SHISA9: variants seen among roughly 807,000 people sequenced by gnomAD.
The protein encoded by SHISA9 is shisa family member 9, also known as protein shisa-9.
In SHISA9, 13 loss-of-function variants were observed where a neutral mutation model predicts 38.0. The observed-to-expected ratio is 0.34, with a 90% CI of 0.22 to 0.54. The LOEUF is 0.54. SHISA9 is among the 20% of genes least tolerant of loss of function. SHISA9 has a pLI of 0.91. For synonymous variants in SHISA9, 275 were observed against 242.0 expected, an observed-to-expected ratio of 1.14 and a Z score of -1.27; for missense variants, 538 against 575.8, an observed-to-expected ratio of 0.93 and a Z score of 0.67.
intron 2 of SHISA9, among the ~76,000 whole-genome samples, chr16:13,005,690 G>A (rs1044553590): frequency 2.6e-5 from 4 of 152,130 alleles, no homozygotes; most frequent in African/African-American, 9.7e-5. Context: ...GCCAGGTCTG[G>A]GACATGTGCC....
At chr16:13,456,007 T>C in the SHISA9 span, among the ~76,000 whole-genome samples, 3 of 152,192 alleles carry the variant, frequency 2.0e-5, no homozygotes, top group African/African-American at 7.2e-5. Context: ...GGCTAAGGAC[T>C]CTCAGGACCT....
chr16:13,469,691 T>C, the SHISA9 span, among the ~76,000 whole-genome samples: 1 of 152,334 alleles, frequency 6.6e-6, no homozygotes, highest in East Asian at 1.9e-4. Context: ...CCAGAACATC[T>C]TCCTCCTCAG....
At chr16:13,044,383 G>A (rs1386641418) in intron 2 of SHISA9, among the ~76,000 whole-genome samples, 1 of 152,216 alleles carries the variant, frequency 6.6e-6, no homozygotes, top group Non-Finnish European at 1.5e-5. Context: ...CCTTGGGCAA[G>A]TTATTGAACC....
chr16:13,241,964 C>T (rs2051438736), downstream of SHISA9, among the ~76,000 whole-genome samples: 1 of 152,194 alleles, frequency 6.6e-6, no homozygotes, highest in African/African-American at 2.4e-5. Context: ...AGGAGAGCCA[C>T]ACTATTCCTC....
intron 2 of SHISA9, among the ~76,000 whole-genome samples, chr16:12,937,456 A>G (rs1456526736): frequency 6.6e-6 from 1 of 152,190 alleles, no homozygotes; most frequent in South Asian, 2.1e-4. Flanking sequence ...TGCTGATTTC[A>G]TTTAATAGTG....
chr16:13,540,446 G>A, the SHISA9 span, among the ~76,000 whole-genome samples: 1 of 152,210 alleles, frequency 6.6e-6, no homozygotes, highest in Admixed American at 6.5e-5. Flanking sequence ...TCCCATCACA[G>A]GGATAGCTCC....
chr16:13,245,923 G>A, the SHISA9 span, among the ~76,000 whole-genome samples: 1 of 152,094 alleles, frequency 6.6e-6, no homozygotes, highest in South Asian at 2.1e-4. Context: ...TAAATAAATA[G>A]CCCTTTATTA....
At chr16:13,391,453 C>T in the SHISA9 span, among the ~76,000 whole-genome samples, 1 of 152,138 alleles carries the variant, frequency 6.6e-6, no homozygotes, top group South Asian at 2.1e-4. Context: ...AGAAGAGATA[C>T]TGAAGTATTA....
At chr16:12,908,479 G>A in intron 1 of SHISA9, 1 of 1,552,218 alleles carries the variant, frequency 6.4e-7, no homozygotes, top group Non-Finnish European at 8.7e-7. Flanking sequence ...CATGAGGTAG[G>A]CTCTATGACA....
chr16:13,526,958 C>G, the SHISA9 span, among the ~76,000 whole-genome samples: 1 of 147,980 alleles, frequency 6.8e-6, no homozygotes, highest in East Asian at 2.2e-4. Flanking sequence ...TAGAGACAAA[C>G]AAGCACCAAT....
intron 2 of SHISA9, among the ~76,000 whole-genome samples, chr16:12,986,129 A>T (rs1226244588): frequency 1.3e-5 from 2 of 152,100 alleles, no homozygotes; most frequent in Non-Finnish European, 2.9e-5. Flanking sequence ...AGTAGTTTTT[A>T]AATAAATTGC....
At chr16:13,292,793 C>T in the SHISA9 span, among the ~76,000 whole-genome samples, 1,981 of 152,230 alleles carry the variant, frequency 0.013, 43 homozygotes, top group African/African-American at 0.045. Context: ...TCTTTTAAAA[C>T]ACTTTTTGAA....
the SHISA9 span, among the ~76,000 whole-genome samples, chr16:13,556,184 A>C: frequency 2.0e-5 from 3 of 152,186 alleles, no homozygotes; most frequent in Middle Eastern, 3.2e-3. Flanking sequence ...TTTTGTACTA[A>C]ACATGTTAAA....
chr16:13,437,091 A>G, the SHISA9 span, among the ~76,000 whole-genome samples: 1 of 152,152 alleles, frequency 6.6e-6, no homozygotes, highest in East Asian at 1.9e-4. Context: ...CTCCCATGGC[A>G]CATTACGGGA....
intron 2 of SHISA9, among the ~76,000 whole-genome samples, chr16:13,085,799 T>A (rs191285255): frequency 6.6e-6 from 1 of 152,156 alleles, no homozygotes. Context: ...GGAACCTCTG[T>A]TGAAGGTTCT....
chr16:13,045,236 G>T (rs1596609031), intron 2 of SHISA9, among the ~76,000 whole-genome samples: 1 of 152,204 alleles, frequency 6.6e-6, no homozygotes, highest in African/African-American at 2.4e-5. Flanking sequence ...CTTACTAAGT[G>T]CTGTTCTAAG....
chr16:13,469,156 A>C, the SHISA9 span, among the ~76,000 whole-genome samples: 1 of 151,188 alleles, frequency 6.6e-6, no homozygotes, highest in African/African-American at 2.4e-5. Context: ...GCAGGAGAAC[A>C]GCTTGAAACC....
At chr16:12,927,200 A>G (rs191186869) in intron 2 of SHISA9, among the ~76,000 whole-genome samples, 21 of 152,362 alleles carry the variant, frequency 1.4e-4, no homozygotes, top group African/African-American at 2.4e-5. Context: ...AAAAATCCCA[A>G]TAAGCATTCT....
chr16:13,145,122 G>A (rs756249286), intron 2 of SHISA9, among the ~76,000 whole-genome samples: 2 of 152,172 alleles, frequency 1.3e-5, no homozygotes, highest in Non-Finnish European at 2.9e-5. Context: ...TCGCAGGGAT[G>A]AGAGATACAG....
Sources: gnomAD v4.1 joint callset for allele counts (sites outside exome capture counted in the v4.1 genomes callset) on GRCh38, gnomAD v4.1.1 for gene constraint, MANE v1.5 for transcripts, NCBI Gene and HGNC (gene_info 2026-07-23, HGNC 2026-07-21) for gene names.